Variants in GBE1 observed in about 807,000 individuals in gnomAD.
GBE1 encodes 1,4-alpha-glucan-branching enzyme.
A neutral mutation model predicts 88.8 loss-of-function variants in GBE1; 70 were observed. That is an observed-to-expected ratio of 0.79 (90% CI 0.65 to 0.96). GBE1 has a LOEUF of 0.96. Ranked by LOEUF, GBE1 falls within the 40% of genes least tolerant of loss-of-function variation. The pLI, the probability that GBE1 is intolerant of heterozygous loss-of-function variation, is 0.00. For missense variants in GBE1, 872 were observed against 871.0 expected (o/e 1.00, Z -0.01); for synonymous variants, 284 against 300.1 (o/e 0.95, Z 0.56).
At chr3:81,510,289 T>A (rs988616776) in intron 14 of GBE1, among the ~76,000 whole-genome samples, 14 of 152,150 alleles carry the variant, frequency 9.2e-5, no homozygotes, top group African/African-American at 3.4e-4. Context: ...GAAATCTGAT[T>A]ATTTTAGCTG....
intron 15 of GBE1, among the ~76,000 whole-genome samples, chr3:81,491,581 C>T (rs918409195): frequency 6.6e-6 from 1 of 152,122 alleles, no homozygotes; most frequent in African/African-American, 2.4e-5. Flanking sequence ...GTTCAAACAA[C>T]TTATCTAAGT....
intron 14 of GBE1, among the ~76,000 whole-genome samples, chr3:81,503,119 A>C (rs1702610958): frequency 6.6e-6 from 1 of 152,206 alleles, no homozygotes; most frequent in Non-Finnish European, 1.5e-5. Context: ...AAGTACAATA[A>C]ATTATCTTTA....
chr3:81,535,943 CTTGGCT>C (rs1703068096), intron 13 of GBE1, among the ~76,000 whole-genome samples: 1 of 151,890 alleles, frequency 6.6e-6, no homozygotes, highest in Non-Finnish European at 1.5e-5. Flanking sequence ...TGTGAAAAGC[CTTGGCT>C]TTTTCAACAC....
chr3:81,507,477 T>C (rs2106822508), intron 14 of GBE1, among the ~76,000 whole-genome samples: 1 of 152,138 alleles, frequency 6.6e-6, no homozygotes. Context: ...GGCAGGAGAA[T>C]GGCGTGAACC....
intron 9 of GBE1, among the ~76,000 whole-genome samples, chr3:81,586,933 T>C (rs1479725084): frequency 1.3e-5 from 2 of 152,034 alleles, no homozygotes; most frequent in Non-Finnish European, 2.9e-5. Context: ...GGATTACAGA[T>C]GTCCACCACC....
At chr3:81,508,765 G>A (rs1163994661) in intron 14 of GBE1, among the ~76,000 whole-genome samples, 1 of 152,130 alleles carries the variant, frequency 6.6e-6, no homozygotes, top group African/African-American at 2.4e-5. Flanking sequence ...GACAGGGATA[G>A]GAGACAGCAT....
At chr3:81,584,744 G>T (rs1016822687) in intron 10 of GBE1, among the ~76,000 whole-genome samples, 6 of 151,400 alleles carry the variant, frequency 4.0e-5, no homozygotes, top group Admixed American at 6.6e-5. Context: ...GTAATAAAAT[G>T]TTTATTAGGT....
chr3:81,755,555 A>C (rs773174275), intron 1 of GBE1, among the ~76,000 whole-genome samples: 2 of 152,180 alleles, frequency 1.3e-5, no homozygotes, highest in Non-Finnish European at 2.9e-5. Flanking sequence ...CAATAGCTAA[A>C]ATATGGAATT....
intron 1 of GBE1, among the ~76,000 whole-genome samples, chr3:81,717,462 T>C (rs1422748331): frequency 1.3e-5 from 2 of 152,194 alleles, no homozygotes; most frequent in East Asian, 3.8e-4. Flanking sequence ...GTGACTTTCA[T>C]TGTATCCATG....
chr3:81,591,159 C>T lies in GBE1; in HGVS notation c.1114G>A (p.Gly372Ser), dbSNP rs1353842056. The change falls in exon 9 of 16, where the codon GGT (glycine) becomes AGT (serine). Residue 372 changes from glycine (G) to serine (S), a missense_variant. Coordinates refer to ENST00000429644, the MANE Select transcript of GBE1 (RefSeq NM_000158.4). ...MLYHHHGVGQ[G>S]FSGDYSEYFG... ...TATTCACTGTAATCACCTGAGAAAC[C>T]TTGACCTTAGAAAAAGAAAATCAAT... The T allele has an allele frequency of 6.3e-7, 1 of 1,597,214 alleles. No individual in the cohort carries two copies. Among genetic ancestry groups the T allele is most frequent in the East Asian group, 2.2e-5 (1 of 44,452 alleles).
At position 81,536,988 on chromosome 3, in the gene GBE1, G is replaced by C; in HGVS notation, c.1726C>G (p.Arg576Gly). The change falls in exon 13 of 16, where the codon CGC becomes GGC. Residue 576 changes from arginine (R) to glycine (G), a missense_variant. By Grantham distance (125) the Arg-to-Gly change is moderately radical (BLOSUM62 -2). Coordinates refer to ENST00000429644, the MANE Select transcript of GBE1 (RefSeq NM_000158.4). Reference sequence around the variant, plus strand: ...TCAAAATTATTTAGGAACTTGTAGCGAAGAAGGTCGTCGTCAGTTAAATGA... The same window carrying C: ...TCAAAATTATTTAGGAACTTGTAGCCAAGAAGGTCGTCGTCAGTTAAATGA... ...QFHLTDDDLL[R>G]YKFLNNFDRD... 2 of 1,591,936 alleles carry C rather than the reference G, an allele frequency of 1.3e-6. No homozygotes were observed. The highest frequency in any genetic ancestry group is 1.7e-6 in the Non-Finnish European group (2 of 1,170,520).
intron 2 of GBE1, among the ~76,000 whole-genome samples, chr3:81,695,157 C>G (rs1339263029): frequency 6.6e-6 from 1 of 152,208 alleles, no homozygotes; most frequent in Non-Finnish European, 1.5e-5. Flanking sequence ...CAAGCTCCCT[C>G]TTCTCAATTT....
In GBE1 at chr3:81,503,133, C is replaced by A. The variant is rs140129902; in HGVS notation, c.1935-3906G>T. On this transcript the variant is annotated intron_variant, in intron 14 of 15. Coordinates refer to ENST00000429644, the MANE Select transcript of GBE1 (RefSeq NM_000158.4). Reference sequence around the variant, plus strand: ...AAAGTACAATAAATTATCTTTACTCCCCCATTCATTTACTAAGTACATACA... The same window carrying A: ...AAAGTACAATAAATTATCTTTACTCACCCATTCATTTACTAAGTACATACA... Among the ~76,000 whole-genome samples the A allele has an allele frequency of 5.0e-3, 766 of 152,108 alleles. 2 individuals carry two copies. Among genetic ancestry groups the A allele is most frequent in the South Asian group, 8.7e-3 (42 of 4,818 alleles).
At chr3:81,638,722 T>C (rs1704626929) in intron 7 of GBE1, among the ~76,000 whole-genome samples, 1 of 152,142 alleles carries the variant, frequency 6.6e-6, no homozygotes, top group Non-Finnish European at 1.5e-5. Flanking sequence ...AATTTATTCA[T>C]AGCAGGTAAT....
intron 7 of GBE1, among the ~76,000 whole-genome samples, chr3:81,624,663 C>T (rs894025599): frequency 6.6e-6 from 1 of 151,982 alleles, no homozygotes; most frequent in African/African-American, 2.4e-5. Flanking sequence ...TGCATACACA[C>T]ACACATAACA....
intron 7 of GBE1, among the ~76,000 whole-genome samples, chr3:81,634,273 C>T (rs563849754): frequency 2.6e-5 from 4 of 152,286 alleles, no homozygotes; most frequent in Non-Finnish European, 2.9e-5. Flanking sequence ...TCTGAACCAC[C>T]GCCCTATGGC....
intron 7 of GBE1, among the ~76,000 whole-genome samples, chr3:81,595,342 C>A (rs1011555085): frequency 1.3e-5 from 2 of 151,618 alleles, no homozygotes; most frequent in Admixed American, 1.3e-4. Flanking sequence ...CAAAATCACT[C>A]TATTTTGCAT....
chr3:81,708,781 T>A (rs1386715525), intron 1 of GBE1, among the ~76,000 whole-genome samples: 1 of 152,140 alleles, frequency 6.6e-6, no homozygotes, highest in Non-Finnish European at 1.5e-5. Context: ...AATGGGAAAC[T>A]AGGTGAATAA....
chr3:81,747,653 A>G (rs1706435216), intron 1 of GBE1, among the ~76,000 whole-genome samples: 1 of 152,200 alleles, frequency 6.6e-6, no homozygotes, highest in Non-Finnish European at 1.5e-5. Flanking sequence ...AAAGAAGTGA[A>G]AAGGCCCTGC....
Sources: allele counts gnomAD v4.1 joint callset (sites outside exome capture counted in the v4.1 genomes callset), GRCh38; gene constraint gnomAD v4.1.1; transcripts MANE v1.5; gene names NCBI Gene and HGNC (gene_info 2026-07-23, HGNC 2026-07-21).